MACO1: variants seen among roughly 807,000 people sequenced by gnomAD.
MACO1 encodes macoilin 1, also known as macoilin.
MACO1 carries 14 observed loss-of-function variants against 78.7 expected under a neutral mutation model. The observed-to-expected ratio is 0.18, with a 90% CI of 0.12 to 0.28. The LOEUF is 0.28. Ranked by LOEUF, MACO1 falls within the 10% of genes least tolerant of loss-of-function variation. The pLI is 1.00. For missense variants in MACO1, 501 were observed against 799.0 expected, an observed-to-expected ratio of 0.63 and a Z score of 4.50; for synonymous variants, 288 against 291.6, an observed-to-expected ratio of 0.99 and a Z score of 0.12.
Position 25,485,678 on chromosome 1 carries a change from T to C in MACO1, c.1379T>C (p.Leu460Pro). ...AATATCAGCCAGTTGGAGAAAAAGC[T>C]AAAAGCTGAGCAGGAAGCCCGAAGT... Reference protein sequence around the residue: ...KQNISQLEKKLKAEQEARSFV... With the variant: ...KQNISQLEKKPKAEQEARSFV... The change falls in exon 8 of 11, where the codon CTA becomes CCA. Residue 460 changes from leucine to proline, a missense_variant. Physicochemically the swap from Leu to Pro is moderately conservative, Grantham distance 98 (BLOSUM62 -3). Around this residue, in one of 5 missense-constraint regions of MACO1, gnomAD observed 163 missense variants for 271.9 expected, o/e 0.60. Coordinates refer to ENST00000374343, the MANE Select transcript of MACO1 (RefSeq NM_018202.6). This position sits in a 1 kb window ranked among gnomAD's most constrained non-coding sequence, Gnocchi z 4.3. The C allele has an allele frequency of 6.2e-7, 1 of 1,614,156 alleles. No individual in the cohort carries two copies. Among genetic ancestry groups the C allele is most frequent in the Non-Finnish European group, 8.5e-7 (1 of 1,180,026 alleles).
intron 5 of MACO1, among the ~76,000 whole-genome samples, chr1:25,457,806 T>A (rs1194223659): frequency 6.6e-6 from 1 of 152,204 alleles, no homozygotes; most frequent in African/African-American, 2.4e-5. Context: ...TAGACCTTAA[T>A]AAATTGGAAT....
intron 3 of MACO1, 61 bp downstream of exon 3, chr1:25,448,995 T>C (rs907196018): frequency 1.5e-6 from 2 of 1,363,656 alleles, no homozygotes; most frequent in Admixed American, 2.6e-5. Context: ...TAAATGTGGT[T>C]ATTTCTTTGA....
chr1:25,469,806 T>G (rs2043251636), intron 6 of MACO1, among the ~76,000 whole-genome samples: 1 of 151,996 alleles, frequency 6.6e-6, no homozygotes, highest in African/African-American at 2.4e-5. Flanking sequence ...CTGGCTAATT[T>G]TTGTAGAGAC....
chr1:25,473,209 C>A (rs1439996987), intron 6 of MACO1, among the ~76,000 whole-genome samples: 1 of 151,944 alleles, frequency 6.6e-6, no homozygotes, highest in Non-Finnish European at 1.5e-5. Context: ...TATTAATATA[C>A]AATATAGTTT....
intron 1 of MACO1, among the ~76,000 whole-genome samples, chr1:25,433,449 C>T (rs1006147097): frequency 5.3e-5 from 8 of 152,112 alleles, no homozygotes; most frequent in African/African-American, 1.9e-4. Flanking sequence ...CATCTATTGC[C>T]CATTTTGTTT....
intron 5 of MACO1, among the ~76,000 whole-genome samples, chr1:25,457,714 T>G (rs1451044148): frequency 6.6e-6 from 1 of 152,218 alleles, no homozygotes; most frequent in Non-Finnish European, 1.5e-5. Context: ...GTTTGAAAGT[T>G]GAAAGTTTGA....
At chr1:25,434,706 T>TA (rs1192205838) in intron 1 of MACO1, among the ~76,000 whole-genome samples, 11 of 152,188 alleles carry the variant, frequency 7.2e-5, no homozygotes, top group Non-Finnish European at 1.3e-4. Flanking sequence ...ATGAGATAGA[T>TA]ATGAAAGTAC....
intron 1 of MACO1, among the ~76,000 whole-genome samples, chr1:25,433,976 G>A (rs1033338247): frequency 1.3e-5 from 2 of 152,174 alleles, no homozygotes; most frequent in African/African-American, 4.8e-5. Flanking sequence ...GTTTGGTCTT[G>A]CTTTAAAAAA....
Position 25,452,835 on chromosome 1 carries a change from T to C in MACO1, c.350-1424T>C, listed in dbSNP as rs2043079441. 2.0e-5 allele frequency among the ~76,000 whole-genome samples: 3 copies of C among 151,774 alleles called. No homozygotes were observed. The South Asian group carries it at 6.3e-4, about 32-fold the overall frequency. On this transcript the variant is annotated intron_variant, in intron 3 of 10. Coordinates refer to ENST00000374343, the MANE Select transcript of MACO1 (RefSeq NM_018202.6). ...CCTCAGCCTCCCGAGTAACTGGAAT[T>C]ACAGGTGTGCACCACCATGCCCAGC... is the stretch of plus-strand genomic sequence containing the variant.
intron 6 of MACO1, among the ~76,000 whole-genome samples, chr1:25,482,050 T>A (rs2043383818): frequency 6.6e-6 from 1 of 152,184 alleles, no homozygotes. Context: ...GGGGATTTAG[T>A]GCTTAATAAA....
rs1005765197 is a variant in MACO1, at chr1:25,430,939, C to G, written c.-160C>G. 3.4e-5 allele frequency: 16 copies of G among 472,102 alleles called. 1 individual carries two copies. Among genetic ancestry groups the G allele is most frequent in the East Asian group, 7.7e-5 (2 of 25,876 alleles). 29.2% of individuals were successfully genotyped at this position (472,102 alleles called of 1,614,324 possible). On this transcript the variant is annotated 5_prime_UTR_variant, in exon 1 of 11. Transcript: ENST00000374343. ...GAAGGCGGAGGAGGCTCCGAGCCCC[C>G]CCTCCCCGTGCTACCCCCTCCCCCC...
At chr1:25,433,461 T>TCAA (rs1466157034) in intron 1 of MACO1, among the ~76,000 whole-genome samples, 1 of 152,222 alleles carries the variant, frequency 6.6e-6, no homozygotes, top group Non-Finnish European at 1.5e-5. Flanking sequence ...ATTTTGTTTC[T>TCAA]CAACAACATG....
At chr1:25,436,200 A>G (rs879302605) in intron 1 of MACO1, among the ~76,000 whole-genome samples, 1 of 152,148 alleles carries the variant, frequency 6.6e-6, no homozygotes, top group Admixed American at 6.5e-5. Context: ...TATATATCTC[A>G]TGGACCCAGT....
intron 1 of MACO1, among the ~76,000 whole-genome samples, chr1:25,435,931 G>C (rs1468582483): frequency 6.6e-6 from 1 of 152,194 alleles, no homozygotes; most frequent in African/African-American, 2.4e-5. Context: ...CTTCCTGTCT[G>C]AGCAGTCTTG....
chr1:25,466,612 C>T (rs1373474328), intron 6 of MACO1, among the ~76,000 whole-genome samples: 1 of 152,208 alleles, frequency 6.6e-6, no homozygotes, highest in Non-Finnish European at 1.5e-5. Flanking sequence ...CTCACCCGGC[C>T]AGTTCAGCCC....
intron 1 of MACO1, among the ~76,000 whole-genome samples, chr1:25,433,157 T>A (rs994180082): frequency 9.8e-5 from 15 of 152,370 alleles, no homozygotes; most frequent in African/African-American, 3.6e-4. Flanking sequence ...AAGACCTAAA[T>A]GTATTTCTAA....
intron 6 of MACO1, among the ~76,000 whole-genome samples, chr1:25,463,741 G>A (rs2043191459): frequency 6.6e-6 from 1 of 152,210 alleles, no homozygotes; most frequent in Non-Finnish European, 1.5e-5. Flanking sequence ...AGAGAAAATA[G>A]TCCCACAATC....
chr1:25,463,201 A>T (rs1040988788), intron 6 of MACO1, among the ~76,000 whole-genome samples: 1 of 152,162 alleles, frequency 6.6e-6, no homozygotes, highest in Non-Finnish European at 1.5e-5. Context: ...GTGCTTAGTG[A>T]ATGTTGAATC....
chr1:25,438,051 G>T (rs1251170079), intron 1 of MACO1, among the ~76,000 whole-genome samples: 1 of 152,148 alleles, frequency 6.6e-6, no homozygotes, highest in Non-Finnish European at 1.5e-5. Flanking sequence ...GCTAAAAAAG[G>T]TTTTCACGGT....
Sources: allele counts gnomAD v4.1 joint callset (sites outside exome capture counted in the v4.1 genomes callset), GRCh38; gene constraint gnomAD v4.1.1; regional missense constraint gnomAD v4.1.1; non-coding constraint Gnocchi (gnomAD v3.1); transcripts MANE v1.5; gene names NCBI Gene and HGNC (gene_info 2026-07-23, HGNC 2026-07-21).